ROBO1: variants seen among roughly 807,000 people sequenced by gnomAD.
ROBO1 encodes roundabout guidance receptor 1.
ROBO1 carries 149 observed loss-of-function variants against 195.9 expected under a neutral mutation model. That is an observed-to-expected ratio of 0.76 (90% confidence interval 0.67 to 0.87). The LOEUF is 0.87. Ranked by LOEUF, ROBO1 falls within the 40% of genes least tolerant of loss-of-function variation. ROBO1 has a pLI of 0.00. For synonymous variants in ROBO1, 816 were observed against 733.2 expected (o/e 1.11, Z -1.82); for missense variants, 1,933 against 2,068.3 (o/e 0.93, Z 1.27).
At chr3:79,510,060 A>G (rs1180490842) in intron 2 of ROBO1, among the ~76,000 whole-genome samples, 1 of 152,112 alleles carries the variant, frequency 6.6e-6, no homozygotes, top group African/African-American at 2.4e-5. Context: ...ATTGATGCTT[A>G]CAAAGAATAT....
intron 3 of ROBO1, among the ~76,000 whole-genome samples, chr3:79,106,927 T>G (rs1231805384): frequency 6.6e-6 from 1 of 151,688 alleles, no homozygotes; most frequent in African/African-American, 2.4e-5. Flanking sequence ...GTATAGAATC[T>G]ATCTCCGCTC....
rs116652783 is a variant in ROBO1 at position 78,936,851 on chromosome 3, G to A, written c.499+1750C>T. ...TTTTGCATGGGCTACATTCAAATTG[G>A]CCTTAAAAAATAAAAAAAGCAAACT... is the stretch of plus-strand genomic sequence containing the variant. On this transcript the variant is annotated intron_variant, in intron 4 of 30. Coordinates refer to ENST00000464233, the MANE Select transcript of ROBO1 (RefSeq NM_002941.4). Among the ~76,000 whole-genome samples the A allele has an allele frequency of 4.7e-3, 709 of 151,932 alleles. 7 individuals are homozygous for A. The highest frequency in any genetic ancestry group is 0.016 in the African/African-American group (671 of 41,476).
chr3:78,807,921 C>CTCAAACTGT (rs35366443), intron 4 of ROBO1, among the ~76,000 whole-genome samples: 46,755 of 151,800 alleles, frequency 0.31, 7,673 homozygotes, highest in African/African-American at 0.41. Flanking sequence ...CAAACATTTG[C>CTCAAACTGT]TAAACACATC....
chr3:79,123,990 G>A (rs1327803632), intron 3 of ROBO1, among the ~76,000 whole-genome samples: 1 of 151,922 alleles, frequency 6.6e-6, no homozygotes, highest in Non-Finnish European at 1.5e-5. Context: ...CTCTATTATT[G>A]TATCAAAACA....
At chr3:79,008,888 C>CGTAT (rs1553656472) in intron 3 of ROBO1, among the ~76,000 whole-genome samples, 7 of 121,230 alleles carry the variant, frequency 5.8e-5, no homozygotes, top group Non-Finnish European at 1.2e-4. Context: ...TGCACCCAGC[C>CGTAT]GTGTGTGTGT....
chr3:79,192,394 T>A (rs557936063), intron 2 of ROBO1, among the ~76,000 whole-genome samples: 1 of 151,818 alleles, frequency 6.6e-6, no homozygotes, highest in East Asian at 1.9e-4. Context: ...TAAATCAACA[T>A]GCAGGTAATA....
intron 2 of ROBO1, among the ~76,000 whole-genome samples, chr3:79,222,255 A>G (rs911845931): frequency 6.6e-6 from 1 of 152,104 alleles, no homozygotes; most frequent in African/African-American, 2.4e-5. Context: ...ATGTAAATGG[A>G]AAGAACTCAG....
intron 4 of ROBO1, among the ~76,000 whole-genome samples, chr3:78,842,077 A>G (rs1034683459): frequency 6.7e-6 from 1 of 149,806 alleles, no homozygotes; most frequent in Admixed American, 6.7e-5. Flanking sequence ...ACAAAATGCC[A>G]TCTCCTCTGC....
At chr3:79,595,795 C>T (rs1944151140) in intron 1 of ROBO1, among the ~76,000 whole-genome samples, 1 of 151,306 alleles carries the variant, frequency 6.6e-6, no homozygotes, top group African/African-American at 2.4e-5. Flanking sequence ...CCTCAAGATC[C>T]ATCTGTTTTG....
At chr3:79,522,429 A>C (rs1303117938) in intron 2 of ROBO1, among the ~76,000 whole-genome samples, 2 of 151,808 alleles carry the variant, frequency 1.3e-5, no homozygotes, top group Non-Finnish European at 2.9e-5. Flanking sequence ...CACCTCTCTG[A>C]AATCTATTCT....
chr3:79,355,094 A>G (rs1171629461), intron 2 of ROBO1, among the ~76,000 whole-genome samples: 1 of 152,030 alleles, frequency 6.6e-6, no homozygotes, highest in Non-Finnish European at 1.5e-5. Context: ...TGAAGCCAGG[A>G]GGTGGAGCTT....
At chr3:79,622,694 G>C (rs1286641434) in intron 1 of ROBO1, among the ~76,000 whole-genome samples, 1 of 152,202 alleles carries the variant, frequency 6.6e-6, no homozygotes, top group Admixed American at 6.5e-5. Flanking sequence ...CCCTGGGCTT[G>C]AGCCCCTAGT....
intron 28 of ROBO1, among the ~76,000 whole-genome samples, chr3:78,613,980 C>T (rs1190367037): frequency 6.6e-6 from 1 of 152,166 alleles, no homozygotes; most frequent in Non-Finnish European, 1.5e-5. Context: ...GAATTTCCAA[C>T]AAAGCCTGTG....
chr3:79,398,327 C>A (rs1033189343), intron 2 of ROBO1, among the ~76,000 whole-genome samples: 1 of 151,958 alleles, frequency 6.6e-6, no homozygotes, highest in African/African-American at 2.4e-5. Flanking sequence ...AAAATCATGT[C>A]GATTTTAATA....
chr3:79,606,035 CAT>C (rs111238153), intron 1 of ROBO1, among the ~76,000 whole-genome samples: 121 of 146,424 alleles, frequency 8.3e-4, no homozygotes, highest in East Asian at 1.0e-3. Flanking sequence ...CATGTACCCA[CAT>C]ATATATATAT....
chr3:79,516,670 A>G (rs930818622), intron 2 of ROBO1, among the ~76,000 whole-genome samples: 5 of 152,162 alleles, frequency 3.3e-5, no homozygotes, highest in Non-Finnish European at 7.4e-5. Context: ...AGATCTTTCC[A>G]AAGTTGTTTC....
At chr3:78,635,515 C>G (rs1325005396) in intron 23 of ROBO1, among the ~76,000 whole-genome samples, 2 of 152,036 alleles carry the variant, frequency 1.3e-5, no homozygotes, top group Non-Finnish European at 2.9e-5. Context: ...CCGTCCCAAT[C>G]CCTCACCTGC....
Position 78,617,905 on chromosome 3 carries a change from C to T in ROBO1, c.4012G>A (p.Val1338Ile). The stretch of plus-strand genomic sequence containing the variant: ...AGCCTTCTGGTTTGCATCTTGGCTA[C>T]CTCCATGTCGGCTTCGTCTTCTTCC... ...EEEEDEADME[V>I]AKMQTRRLLL... Residue 1338 changes from valine (V) to isoleucine (I), a missense_variant, in exon 27 of 31, where the codon GTA becomes ATA. By Grantham distance (29) the Val-to-Ile change is conservative. Coordinates refer to ENST00000464233, the MANE Select transcript of ROBO1 (RefSeq NM_002941.4). 1 of 1,614,022 alleles carries T rather than the reference C, an allele frequency of 6.2e-7. No individual in the cohort carries two copies. Among genetic ancestry groups the T allele is most frequent in the Non-Finnish European group, 8.5e-7 (1 of 1,179,888 alleles).
At chr3:79,259,620 ACT>A (rs1576888640) in intron 2 of ROBO1, among the ~76,000 whole-genome samples, 1 of 151,350 alleles carries the variant, frequency 6.6e-6, no homozygotes, top group African/African-American at 2.4e-5. Flanking sequence ...TCATCTTTCT[ACT>A]CTCTATATCC....
Sources: gnomAD v4.1 joint callset for allele counts (sites outside exome capture counted in the v4.1 genomes callset) on GRCh38, gnomAD v4.1.1 for gene constraint, MANE v1.5 for transcripts, NCBI Gene and HGNC (gene_info 2026-07-23, HGNC 2026-07-21) for gene names.